Variants in VPS26A observed in about 807,000 individuals in gnomAD.
VPS26A encodes the protein VPS26 retromer complex component A.
VPS26A carries 22 observed loss-of-function variants against 42.4 expected under a neutral mutation model. That is an observed-to-expected ratio of 0.52 (90% CI 0.37 to 0.74). The LOEUF (loss-of-function observed/expected upper bound fraction) is 0.74. Among genes scored for constraint, VPS26A ranks in the 30% least tolerant of loss-of-function variants. VPS26A has a pLI of 0.00. For synonymous variants in VPS26A, 110 were observed against 123.5 expected (o/e 0.89, Z 0.73); for missense variants, 276 against 379.2 (o/e 0.73, Z 2.26).
In VPS26A at chr10:69,140,870, G is replaced by A. The variant is rs559213049; in HGVS notation, c.153+7823G>A. Among the ~76,000 whole-genome samples, 36 of 152,252 alleles carry A rather than the reference G, an allele frequency of 2.4e-4. No individual in the cohort carries two copies. In the South Asian group the frequency reaches 7.0e-3, roughly 30 times the overall value. On this transcript the variant is annotated intron_variant, in intron 2 of 8. Coordinates refer to ENST00000263559, the MANE Select transcript of VPS26A (RefSeq NM_004896.5). Reference sequence around the variant, plus strand: ...GTGAATATATATGAGTAATTTGGGAGTTCTTAGGTCCATCAGACACTCCAT... The same window carrying A: ...GTGAATATATATGAGTAATTTGGGAATTCTTAGGTCCATCAGACACTCCAT...
At chr10:69,164,356 C>A (rs1308382804) in intron 6 of VPS26A, among the ~76,000 whole-genome samples, 1 of 151,842 alleles carries the variant, frequency 6.6e-6, no homozygotes, top group Non-Finnish European at 1.5e-5. Context: ...TAGCTGGGGC[C>A]ACAGGCACAT....
At chr10:69,136,327 T>G (rs1055452927) in intron 2 of VPS26A, among the ~76,000 whole-genome samples, 8 of 151,582 alleles carry the variant, frequency 5.3e-5, no homozygotes, top group African/African-American at 1.5e-4. Flanking sequence ...TGCAGTGGCG[T>G]GATCTTGGCT....
intron 1 of VPS26A, among the ~76,000 whole-genome samples, chr10:69,127,338 G>A (rs1454014646): frequency 6.6e-6 from 1 of 151,190 alleles, no homozygotes; most frequent in Non-Finnish European, 1.5e-5. Flanking sequence ...CGGATCACGA[G>A]GTCAGGAGAT....
Position 69,133,558 on chromosome 10 carries a change from T to C in VPS26A, c.153+511T>C, listed in dbSNP as rs183199432. 4,278 of 1,289,608 alleles carry C rather than the reference T, an allele frequency of 3.3e-3. 11 individuals carry two copies. Among genetic ancestry groups the C allele is most frequent in the Non-Finnish European group, 4.1e-3 (4,049 of 988,758 alleles). The allele number at this position is 1,289,608 out of a possible 1,614,324, so 79.9% of individuals were successfully genotyped here. A position where few individuals can be genotyped will look rare whatever the true frequency, so the allele number is the denominator to read the frequency against. ...TACTCTGTAGAGGACTTGAGTACTTTTGGGATGTGTCTATGCATGGTCAGA... is the reference window on the plus strand; with the variant it reads ...TACTCTGTAGAGGACTTGAGTACTTCTGGGATGTGTCTATGCATGGTCAGA... On this transcript the variant is annotated intron_variant, in intron 2 of 8. Coordinates refer to ENST00000263559, the MANE Select transcript of VPS26A (RefSeq NM_004896.5).
chr10:69,148,276 T>C (rs1841209405), intron 2 of VPS26A, among the ~76,000 whole-genome samples: 1 of 152,240 alleles, frequency 6.6e-6, no homozygotes, highest in African/African-American at 2.4e-5. Flanking sequence ...AAATTGAATC[T>C]GTGGCAAGTA....
intron 2 of VPS26A, among the ~76,000 whole-genome samples, chr10:69,151,307 G>A (rs1322502336): frequency 1.4e-5 from 2 of 145,724 alleles, no homozygotes; most frequent in South Asian, 2.2e-4. Flanking sequence ...ACAATTAGCC[G>A]GGTGTGTGGT....
In VPS26A at chr10:69,142,497, G is replaced by A. The variant is rs576683012; in HGVS notation, c.153+9450G>A. Among the ~76,000 whole-genome samples, 312 of 152,082 alleles carry A rather than the reference G, an allele frequency of 2.1e-3. 1 individual carries two copies. The highest frequency in any genetic ancestry group is 0.012 in the South Asian group (59 of 4,818). ...GCATGAGCCACTGTGCCTGGCCAAG[G>A]ATTATTTGAAAGATTATCTTGTGTT... On this transcript the variant is annotated intron_variant, in intron 2 of 8. Transcript: ENST00000263559.
Position 69,154,857 on chromosome 10 carries a change from C to CT in VPS26A, c.154-954dup, listed in dbSNP as rs1841396936. Among the ~76,000 whole-genome samples the CT allele has an allele frequency of 5.9e-5, 9 of 152,178 alleles. 1 individual carries two copies. In the South Asian group the frequency reaches 1.9e-3, roughly 31 times the overall value. On this transcript the variant is annotated intron_variant, in intron 2 of 8. Transcript: ENST00000263559. Reference sequence around the variant, plus strand: ...CCAGCCTGGGTGACAGAGTGAGACTCTGTCTCTTAAAATATGTGTGTGTGT... The same window carrying CT: ...CCAGCCTGGGTGACAGAGTGAGACTCTTGTCTCTTAAAATATGTGTGTGTGT...
intron 1 of VPS26A, among the ~76,000 whole-genome samples, chr10:69,126,780 G>T (rs561116466): frequency 1.3e-5 from 2 of 152,054 alleles, no homozygotes; most frequent in Non-Finnish European, 2.9e-5. Context: ...AATGACAGAA[G>T]TTGCACATCT....
rs547413312 is a variant in VPS26A, at chr10:69,148,311, T to C, written c.154-7501T>C. Among the ~76,000 whole-genome samples the C allele has an allele frequency of 9.3e-4, 141 of 152,316 alleles. 1 individual carries two copies. Among genetic ancestry groups the C allele is most frequent in the Admixed American group, 9.2e-3 (140 of 15,290 alleles). ...AAAATGGCTTGAGGTGGTACTACTA[T>C]TGACAAGCCACTTAGAGTGAACTCT... On this transcript the variant is annotated intron_variant, in intron 2 of 8. Coordinates refer to ENST00000263559, the MANE Select transcript of VPS26A (RefSeq NM_004896.5).
rs1481536544 is a variant in VPS26A at position 69,168,648 on chromosome 10, G to A, written c.870+17G>A. On this transcript the variant is annotated intron_variant, in intron 8 of 8. Transcript: ENST00000263559. ...AAACAGCAGGTATGGTGCCACTTGG[G>A]CTGGTATTATGTTCTGCGGCAGATC... 6.2e-7 allele frequency: 1 copy of A among 1,611,782 alleles called. No homozygotes were observed. The highest frequency in any genetic ancestry group is 8.5e-7 in the Non-Finnish European group (1 of 1,178,926).
At chr10:69,151,513 C>G (rs1344654627) in intron 2 of VPS26A, among the ~76,000 whole-genome samples, 1 of 149,884 alleles carries the variant, frequency 6.7e-6, no homozygotes, top group East Asian at 2.0e-4. Flanking sequence ...GTTTACTTTT[C>G]TGTGCTTCCT....
intron 5 of VPS26A, chr10:69,161,959 A>G (rs1841572511): frequency 5.3e-6 from 1 of 187,300 alleles, no homozygotes; most frequent in Admixed American, 5.7e-5. Flanking sequence ...CCTCCATGCA[A>G]CTCAGCAGCG....
intron 1 of VPS26A, among the ~76,000 whole-genome samples, chr10:69,128,221 T>C (rs894758047): frequency 2.1e-5 from 3 of 146,168 alleles, no homozygotes; most frequent in African/African-American, 5.0e-5. Flanking sequence ...TATTTAACTT[T>C]GGGATTTGAT....
At position 69,133,137 on chromosome 10, in the gene VPS26A, T is replaced by C. The variant is rs1840824398; in HGVS notation, c.153+90T>C. On this transcript the variant is annotated intron_variant, in intron 2 of 8. Coordinates refer to ENST00000263559, the MANE Select transcript of VPS26A (RefSeq NM_004896.5). ...TGTGCTGTTTCTTAAATTTGAATAA[T>C]TTTATGAGGGAGAGAGATTTTTTTT... 32 of 1,340,062 alleles carry C rather than the reference T, an allele frequency of 2.4e-5. No individual in the cohort carries two copies. In the South Asian group the frequency reaches 4.4e-4, roughly 18 times the overall value. The allele number at this position is 1,340,062 out of a possible 1,614,324, so 83.0% of individuals were successfully genotyped here.
intron 2 of VPS26A, among the ~76,000 whole-genome samples, chr10:69,149,113 G>A (rs1841232025): frequency 1.3e-5 from 2 of 151,952 alleles, no homozygotes; most frequent in African/African-American, 4.8e-5. Context: ...AACCTATGTA[G>A]TCTCAAGTAT....
intron 2 of VPS26A, among the ~76,000 whole-genome samples, chr10:69,146,229 G>T (rs1248367871): frequency 6.6e-6 from 1 of 152,032 alleles, no homozygotes; most frequent in African/African-American, 2.4e-5. Context: ...CGAGTAGCTG[G>T]GATTACAGGT....
intron 2 of VPS26A, among the ~76,000 whole-genome samples, chr10:69,139,580 A>G (rs1365287576): frequency 6.6e-6 from 1 of 152,114 alleles, no homozygotes; most frequent in Non-Finnish European, 1.5e-5. Context: ...GGGATTACAG[A>G]TATGATCCAT....
chr10:69,127,894 A>G (rs1453696362), intron 1 of VPS26A, among the ~76,000 whole-genome samples: 1 of 151,854 alleles, frequency 6.6e-6, no homozygotes. Flanking sequence ...ATGGGGGTCT[A>G]GCTGTATTGA....
Sources: allele counts gnomAD v4.1 joint callset (sites outside exome capture counted in the v4.1 genomes callset), GRCh38; gene constraint gnomAD v4.1.1; transcripts MANE v1.5; gene names NCBI Gene and HGNC (gene_info 2026-07-23, HGNC 2026-07-21).